The following CCDC171 variants were observed in gnomAD, a reference collection of about 807,000 sequenced individuals.
CCDC171 encodes the protein coiled-coil domain containing 171.
In CCDC171, 177 loss-of-function variants were observed where a neutral mutation model predicts 168.2. That is an observed-to-expected ratio of 1.05 (90% confidence interval 0.93 to 1.19). CCDC171 has a LOEUF of 1.19. Among genes scored for constraint, CCDC171 ranks in the 50% most tolerant of loss-of-function variants. CCDC171 has a pLI of 0.00. For synonymous variants in CCDC171, 687 were observed against 540.8 expected (o/e 1.27, Z -3.75); for missense variants, 1,991 against 1,539.0 (o/e 1.29, Z -4.91).
chr9:15,624,641 C>T (rs1359187286), intron 7 of CCDC171, among the ~76,000 whole-genome samples: 1 of 152,182 alleles, frequency 6.6e-6, no homozygotes, highest in Non-Finnish European at 1.5e-5. Context: ...GGGACATAAA[C>T]TCATCATTTT....
chr9:15,822,998 T>A (rs964585320), intron 21 of CCDC171, among the ~76,000 whole-genome samples: 1 of 151,894 alleles, frequency 6.6e-6, no homozygotes, highest in Non-Finnish European at 1.5e-5. Context: ...TGGAATACTA[T>A]GCAGCCATAA....
chr9:15,697,188 C>G (rs2051281979), intron 11 of CCDC171, among the ~76,000 whole-genome samples: 2 of 152,234 alleles, frequency 1.3e-5, no homozygotes, highest in Admixed American at 6.5e-5. Context: ...CTCTGCTCCA[C>G]TGCATTTTTG....
chr9:15,575,262 C>G (rs981008370), intron 3 of CCDC171, among the ~76,000 whole-genome samples: 2 of 148,652 alleles, frequency 1.3e-5, no homozygotes, highest in African/African-American at 4.9e-5. Flanking sequence ...TCTCGAACTC[C>G]TGGACTCAAG....
chr9:15,917,672 A>T lies in CCDC171; in HGVS notation c.3601-2598A>T, dbSNP rs1237868938. On this transcript the variant is annotated intron_variant, in intron 24 of 25. Transcript: ENST00000380701. ...TATTATTTATTCCTTTTAGAATGTC[A>T]TAAAGATGAAATTCATAAAATGTGT... 2.0e-5 allele frequency among the ~76,000 whole-genome samples: 3 copies of T among 151,760 alleles called. No homozygotes were observed. The East Asian group carries it at 5.8e-4, about 29-fold the overall frequency.
intron 24 of CCDC171, 72 bp from the exon 25 acceptor site, chr9:15,920,198 T>A: frequency 1.0e-6 from 1 of 988,848 alleles, no homozygotes; most frequent in Non-Finnish European, 1.4e-6. Flanking sequence ...GGTTTTGCTT[T>A]CAAATTATGG....
At chr9:15,583,666 A>G (rs989619912) in intron 4 of CCDC171, among the ~76,000 whole-genome samples, 6 of 152,088 alleles carry the variant, frequency 3.9e-5, no homozygotes, top group Admixed American at 2.6e-4. Context: ...AAGACTACAC[A>G]TTGGTTACAG....
At chr9:16,086,028 C>CAGAAGGAATGGT in the CCDC171 span, among the ~76,000 whole-genome samples, 47,910 of 151,840 alleles carry the variant, frequency 0.32, 7,729 homozygotes, top group Non-Finnish European at 0.35. Context: ...GGAATAGTTT[C>CAGAAGGAATGGT]ACCAGCTCCT....
chr9:15,766,984 G>A (rs2056757929), intron 18 of CCDC171, among the ~76,000 whole-genome samples: 1 of 152,116 alleles, frequency 6.6e-6, no homozygotes, highest in Non-Finnish European at 1.5e-5. Flanking sequence ...ATTTAAAGGA[G>A]GGATGTGTCA....
intron 10 of CCDC171, 27 bp downstream of exon 10, chr9:15,678,923 G>T: frequency 3.3e-6 from 5 of 1,532,594 alleles, no homozygotes; most frequent in Non-Finnish European, 4.4e-6. Context: ...AAACCCTATG[G>T]AAATCACTTT....
At chr9:15,937,036 G>C (rs1204473892) in intron 25 of CCDC171, among the ~76,000 whole-genome samples, 1 of 152,018 alleles carries the variant, frequency 6.6e-6, no homozygotes, top group Non-Finnish European at 1.5e-5. Context: ...AGGAAGTGCT[G>C]TTTGTAAAAA....
intron 8 of CCDC171, among the ~76,000 whole-genome samples, chr9:16,037,313 A>T (rs1315127306): frequency 1.3e-5 from 2 of 152,226 alleles, no homozygotes; most frequent in Non-Finnish European, 2.9e-5. Context: ...AATAAATGTG[A>T]TTCTAGGCCA....
intron 11 of CCDC171, among the ~76,000 whole-genome samples, chr9:15,708,089 C>T (rs1002641908): frequency 2.0e-5 from 3 of 152,218 alleles, no homozygotes; most frequent in Non-Finnish European, 2.9e-5. Context: ...TTCAGGTGAT[C>T]TGCCCGTCTT....
At chr9:15,908,656 A>C (rs929329870) in intron 24 of CCDC171, among the ~76,000 whole-genome samples, 17 of 152,248 alleles carry the variant, frequency 1.1e-4, no homozygotes, top group Non-Finnish European at 2.1e-4. Flanking sequence ...AAGTATAAAA[A>C]AAAAGAGAAA....
At chr9:15,930,193 T>C (rs1826345650) in intron 25 of CCDC171, among the ~76,000 whole-genome samples, 2 of 151,654 alleles carry the variant, frequency 1.3e-5, no homozygotes, top group South Asian at 4.1e-4. Flanking sequence ...TCTATACTTG[T>C]TATTGGACCT....
chr9:15,674,251 T>A lies in CCDC171; in HGVS notation c.1077-4507T>A, dbSNP rs1265004552. 4.9e-4 allele frequency among the ~76,000 whole-genome samples: 74 copies of A among 152,256 alleles called. 1 individual carries two copies. The highest frequency in any genetic ancestry group is 2.9e-5 in the Non-Finnish European group (2 of 68,012). On this transcript the variant is annotated intron_variant, in intron 9 of 25. Transcript: ENST00000380701. ...TGTGTCTATTTGATTCTTCTCTCTTTTCTTGTTTATTAATATTGCTAGCAG... is the reference window on the plus strand; with the variant it reads ...TGTGTCTATTTGATTCTTCTCTCTTATCTTGTTTATTAATATTGCTAGCAG...
At chr9:15,964,020 T>G (rs1589263403) in intron 25 of CCDC171, among the ~76,000 whole-genome samples, 1 of 152,202 alleles carries the variant, frequency 6.6e-6, no homozygotes, top group East Asian at 1.9e-4. Flanking sequence ...GCAGACATAC[T>G]AGCTGGAACT....
intron 4 of CCDC171, among the ~76,000 whole-genome samples, chr9:15,586,494 C>T (rs1207552004): frequency 9.2e-5 from 14 of 152,022 alleles, no homozygotes; most frequent in Admixed American, 9.2e-4. Context: ...GTGGGGAAAA[C>T]CGAAAGAGAA....
chr9:15,596,332 G>T (rs1334285348), intron 6 of CCDC171, among the ~76,000 whole-genome samples: 2 of 147,656 alleles, frequency 1.4e-5, no homozygotes, highest in African/African-American at 5.0e-5. Flanking sequence ...TAAGGTGTAA[G>T]GAAGGGATCC....
chr9:15,701,563 C>T lies in CCDC171; in HGVS notation c.1318+6226C>T, dbSNP rs553234376. On this transcript the variant is annotated intron_variant, in intron 11 of 25. Coordinates refer to ENST00000380701, the MANE Select transcript of CCDC171 (RefSeq NM_173550.4). ...CCATGCTATTTGATACCATTTTACCCTCAGTACAATTCCATTTTTTTTTTT... is the reference window on the plus strand; with the variant it reads ...CCATGCTATTTGATACCATTTTACCTTCAGTACAATTCCATTTTTTTTTTT... Among the ~76,000 whole-genome samples the T allele has an allele frequency of 2.0e-5, 3 of 149,800 alleles. No individual in the cohort carries two copies. The Admixed American group carries it at 2.0e-4, about 10-fold the overall frequency.
Sources: gnomAD v4.1 joint callset for allele counts (sites outside exome capture counted in the v4.1 genomes callset) on GRCh38, gnomAD v4.1.1 for gene constraint, MANE v1.5 for transcripts, NCBI Gene and HGNC (gene_info 2026-07-23, HGNC 2026-07-21) for gene names.